MPZL1: variants seen among roughly 807,000 people sequenced by gnomAD.
The protein encoded by MPZL1 is myelin protein zero like 1, also known as myelin protein zero-like protein 1.
In MPZL1, 16 loss-of-function variants were observed where a neutral mutation model predicts 29.3. The observed-to-expected ratio is 0.55, with a 90% CI of 0.37 to 0.83. MPZL1 has a LOEUF of 0.83. Ranked by LOEUF, MPZL1 falls within the 40% of genes least tolerant of loss-of-function variation. MPZL1 has a pLI of 0.00. For missense variants in MPZL1, 279 were observed against 332.9 expected (o/e 0.84, Z 1.26); for synonymous variants, 143 against 132.0 (o/e 1.08, Z -0.57).
Position 167,735,715 on chromosome 1 carries a change from AT to A in MPZL1, c.91+13474del. ...TGGCAGAATTCCTTCTTTTTCAGGG[AT>A]GGTCAGTCTTTGTTATTGTTAAGAC... On this transcript the variant is annotated intron_variant, in intron 1 of 5. Transcript: ENST00000359523. Among the ~76,000 whole-genome samples, 3 of 152,218 alleles carry A rather than the reference AT, an allele frequency of 2.0e-5. No individual in the cohort carries two copies. In the South Asian group the frequency reaches 6.2e-4, roughly 32 times the overall value.
intron 1 of MPZL1, among the ~76,000 whole-genome samples, chr1:167,752,283 A>G (rs913295673): frequency 6.6e-6 from 1 of 152,212 alleles, no homozygotes; most frequent in African/African-American, 2.4e-5. Flanking sequence ...TTAGCTACAT[A>G]TAGTCTATTT....
chr1:167,759,579 G>A lies in MPZL1; in HGVS notation c.92-6004G>A, dbSNP rs557420375. 9.8e-5 allele frequency among the ~76,000 whole-genome samples: 15 copies of A among 152,312 alleles called. No homozygotes were observed. In the South Asian group the frequency reaches 1.2e-3, roughly 13 times the overall value. On this transcript the variant is annotated intron_variant, in intron 1 of 5. Transcript: ENST00000359523. ...CTCACCGTAGTTGGTCAGAAACTGC[G>A]GCTCTGTGCTTGGCAAAAGTTAATT...
intron 2 of MPZL1, among the ~76,000 whole-genome samples, chr1:167,768,900 G>A (rs140441006): frequency 1.1e-3 from 166 of 152,324 alleles, no homozygotes; most frequent in African/African-American, 3.8e-3. Context: ...CAGAGAGCAG[G>A]TGATGGAAGG....
At chr1:167,782,448 C>A (rs1258580776) in intron 5 of MPZL1, among the ~76,000 whole-genome samples, 1 of 152,084 alleles carries the variant, frequency 6.6e-6, no homozygotes, top group Non-Finnish European at 1.5e-5. Flanking sequence ...ACGTTCTTGG[C>A]ACTTTGTACA....
chr1:167,777,406 G>A (rs560951216), intron 5 of MPZL1, among the ~76,000 whole-genome samples: 17 of 152,308 alleles, frequency 1.1e-4, no homozygotes, highest in African/African-American at 2.9e-4. Flanking sequence ...AATGTGAGCC[G>A]TGTTATTGCC....
intron 1 of MPZL1, among the ~76,000 whole-genome samples, chr1:167,731,212 A>C (rs1286371528): frequency 6.6e-6 from 1 of 152,086 alleles, no homozygotes; most frequent in Non-Finnish European, 1.5e-5. Flanking sequence ...AGGTGGACGG[A>C]TCATTTGAGG....
At chr1:167,780,533 A>G (rs1009433653) in intron 5 of MPZL1, among the ~76,000 whole-genome samples, 14 of 152,198 alleles carry the variant, frequency 9.2e-5, no homozygotes, top group African/African-American at 3.4e-4. Flanking sequence ...AGAATGTGGT[A>G]TATATATACA....
chr1:167,768,963 A>G (rs1571162915), intron 2 of MPZL1, among the ~76,000 whole-genome samples: 1 of 152,354 alleles, frequency 6.6e-6, no homozygotes, highest in East Asian at 1.9e-4. Flanking sequence ...AAGAAGAGAG[A>G]GTGAAGAACT....
At chr1:167,734,210 T>C (rs10918753) in intron 1 of MPZL1, among the ~76,000 whole-genome samples, 54,988 of 150,742 alleles carry the variant, frequency 0.36, 11,358 homozygotes, top group African/African-American at 0.57. Context: ...GAGCCAAGAT[T>C]GCGCCACTGC....
intron 1 of MPZL1, among the ~76,000 whole-genome samples, chr1:167,733,976 G>A (rs1660323758): frequency 6.6e-6 from 1 of 152,076 alleles, no homozygotes; most frequent in Non-Finnish European, 1.5e-5. Context: ...TGCACTGTAG[G>A]CCGGGTGCGG....
intron 1 of MPZL1, among the ~76,000 whole-genome samples, chr1:167,760,980 C>CA (rs939873183): frequency 1.1e-4 from 17 of 149,042 alleles, no homozygotes; most frequent in Admixed American, 3.3e-4. Context: ...TGTTAAAAAA[C>CA]AAAAAAAAAG....
At chr1:167,734,669 T>G (rs1660341610) in intron 1 of MPZL1, among the ~76,000 whole-genome samples, 1 of 152,168 alleles carries the variant, frequency 6.6e-6, no homozygotes, top group Non-Finnish European at 1.5e-5. Flanking sequence ...GACTTAAGTC[T>G]AGTTATAGAT....
chr1:167,724,171 A>G (rs1455054160), intron 1 of MPZL1, among the ~76,000 whole-genome samples: 2 of 152,154 alleles, frequency 1.3e-5, no homozygotes, highest in African/African-American at 4.8e-5. Context: ...AGGCTACTGG[A>G]GGAAGGGAGT....
At chr1:167,723,177 C>T (rs1660075358) in intron 1 of MPZL1, among the ~76,000 whole-genome samples, 1 of 152,172 alleles carries the variant, frequency 6.6e-6, no homozygotes, top group South Asian at 2.1e-4. Flanking sequence ...ATAAAGAGGG[C>T]CAGCTGCTAA....
intron 1 of MPZL1, chr1:167,765,380 A>C: frequency 2.9e-6 from 1 of 344,020 alleles, no homozygotes; most frequent in East Asian, 4.6e-5. Flanking sequence ...AAGCAATACA[A>C]ACCTAAACTG....
At chr1:167,748,827 A>G (rs1027718586) in intron 1 of MPZL1, among the ~76,000 whole-genome samples, 30 of 152,290 alleles carry the variant, frequency 2.0e-4, no homozygotes, top group African/African-American at 6.5e-4. Context: ...TTTTCATTTA[A>G]TAATATCTTG....
intron 4 of MPZL1, chr1:167,774,674 T>C (rs1010022639): frequency 6.6e-6 from 1 of 152,280 alleles, no homozygotes; most frequent in Admixed American, 6.5e-5. Context: ...CATGGCATCA[T>C]GAATGCTGCT....
intron 5 of MPZL1, among the ~76,000 whole-genome samples, chr1:167,780,652 T>C (rs1238283054): frequency 6.6e-6 from 1 of 152,150 alleles, no homozygotes; most frequent in East Asian, 1.9e-4. Flanking sequence ...CAGAAAGACA[T>C]ACTATGTGAT....
At chr1:167,778,386 T>C (rs1482561989) in intron 5 of MPZL1, among the ~76,000 whole-genome samples, 1 of 144,156 alleles carries the variant, frequency 6.9e-6, no homozygotes, top group East Asian at 2.0e-4. Context: ...AAGCCAGATA[T>C]AGTGGTGTGT....
Sources: allele counts gnomAD v4.1 joint callset (sites outside exome capture counted in the v4.1 genomes callset), GRCh38; gene constraint gnomAD v4.1.1; transcripts MANE v1.5; gene names NCBI Gene and HGNC (gene_info 2026-07-23, HGNC 2026-07-21).